Variants in RHEB observed in about 807,000 individuals in gnomAD.
RHEB encodes GTP-binding protein Rheb.
In RHEB, 2 loss-of-function variants were observed where a neutral mutation model predicts 28.8. The observed-to-expected ratio is 0.07, with a 90% CI of 0.03 to 0.22. The LOEUF (loss-of-function observed/expected upper bound fraction) is 0.22. Ranked by LOEUF, RHEB falls within the 10% of genes least tolerant of loss-of-function variation. The probability of loss-of-function intolerance (pLI) is 1.00; values close to 1 mark genes in which losing one functional copy is unlikely to be tolerated. For synonymous variants in RHEB, 69 were observed against 77.3 expected (o/e 0.89, Z 0.56); for missense variants, 76 against 219.9 (o/e 0.35, Z 4.14).
intron 1 of RHEB, among the ~76,000 whole-genome samples, chr7:151,516,341 T>G (rs1232104556): frequency 6.6e-6 from 1 of 151,768 alleles, no homozygotes; most frequent in Non-Finnish European, 1.5e-5. Flanking sequence ...AGCCAAGTAG[T>G]GGGCTGGGTG....
rs1407128769 is a variant in RHEB at position 151,502,722 on chromosome 7, C to T, written c.53-11708G>A. The T allele has an allele frequency of 9.6e-5, 154 of 1,598,712 alleles. 1 individual carries two copies. Among genetic ancestry groups the T allele is most frequent in the Non-Finnish European group, 1.3e-4 (148 of 1,166,748 alleles). ...TCACTGTGGATCTCCCAAAGAAACA[C>T]AGTAGAGGCGTTTTGCCCGTTTAAA... On this transcript the variant is annotated intron_variant, in intron 1 of 7. Coordinates refer to ENST00000262187, the MANE Select transcript of RHEB (RefSeq NM_005614.4).
chr7:151,466,472 G>A lies in RHEB; in HGVS notation c.*647C>T, dbSNP rs1238251770. The A allele has an allele frequency of 6.6e-6, 1 of 152,566 alleles. No homozygotes were observed. Among genetic ancestry groups the A allele is most frequent in the East Asian group, 1.9e-4 (1 of 5,214 alleles). 9.5% of individuals were successfully genotyped at this position (152,566 alleles called of 1,614,324 possible). A position where few individuals can be genotyped will look rare whatever the true frequency, so the allele number is the denominator to read the frequency against. On this transcript the variant is annotated 3_prime_UTR_variant, in exon 8 of 8. Transcript: ENST00000262187. ...AGGAGAGAATTTCATCACTGGGGAG[G>A]AACTCCCCTCACAGACCCCCCAGGG...
At chr7:151,502,325 G>A in intron 1 of RHEB, 1 of 817,824 alleles carries the variant, frequency 1.2e-6, no homozygotes, top group Non-Finnish European at 2.1e-6. Context: ...GATTTCACCA[G>A]TGGCAAAAAT....
In RHEB at chr7:151,502,752, G is replaced by A; in HGVS notation, c.53-11738C>T. The A allele has an allele frequency of 4.6e-6, 7 of 1,525,572 alleles. No homozygotes were observed. The South Asian group carries it at 6.7e-5, about 15-fold the overall frequency. The allele number at this position is 1,525,572 out of a possible 1,614,324, so 94.5% of individuals were successfully genotyped here. On this transcript the variant is annotated intron_variant, in intron 1 of 7. Transcript: ENST00000262187. ...GAGGCGTTTTGCCCGTTTAAAAATGGAAAAGCGACATAACTATGTTCAGAA... is the reference window on the plus strand; with the variant it reads ...GAGGCGTTTTGCCCGTTTAAAAATGAAAAAGCGACATAACTATGTTCAGAA...
chr7:151,501,395 A>G (rs766481357), intron 1 of RHEB, among the ~76,000 whole-genome samples: 43 of 152,234 alleles, frequency 2.8e-4, no homozygotes, highest in Non-Finnish European at 6.0e-4. Flanking sequence ...AAAAATTACA[A>G]TGAGATGCTA....
chr7:151,507,216 C>T (rs1367735291), intron 1 of RHEB, among the ~76,000 whole-genome samples: 1 of 152,200 alleles, frequency 6.6e-6, no homozygotes, highest in East Asian at 1.9e-4. Context: ...CAATGAACCG[C>T]ATAAAGGTTT....
chr7:151,496,570 A>G (rs917366506), intron 1 of RHEB, among the ~76,000 whole-genome samples: 2 of 152,140 alleles, frequency 1.3e-5, no homozygotes, highest in Admixed American at 6.5e-5. Context: ...CTGGGTCACA[A>G]TGTAAAATGT....
At chr7:151,514,947 G>A (rs925665900) in intron 1 of RHEB, among the ~76,000 whole-genome samples, 1 of 152,046 alleles carries the variant, frequency 6.6e-6, no homozygotes, top group African/African-American at 2.4e-5. Context: ...GCTGAGGCAG[G>A]AGGATCACTT....
In RHEB at chr7:151,502,315, G is replaced by A. The variant is rs1802787588; in HGVS notation, c.53-11301C>T. ...CACTGATCATTCCTCCCAAAGACCA[G>A]ATTTCACCAGTGGCAAAAATGTTAT... is the stretch of plus-strand genomic sequence containing the variant. On this transcript the variant is annotated intron_variant, in intron 1 of 7. Coordinates refer to ENST00000262187, the MANE Select transcript of RHEB (RefSeq NM_005614.4). 18 of 797,088 alleles carry A rather than the reference G, an allele frequency of 2.3e-5. No homozygotes were observed. The Admixed American group carries it at 3.1e-4, about 14-fold the overall frequency. 49.4% of individuals were successfully genotyped at this position (797,088 alleles called of 1,614,324 possible).
Position 151,472,888 on chromosome 7 carries a change from G to T in RHEB, c.276-1283C>A, listed in dbSNP as rs1416176719. 6.6e-6 allele frequency among the ~76,000 whole-genome samples: 1 copy of T among 152,200 alleles called. No homozygotes were observed. Among genetic ancestry groups the T allele is most frequent in the Non-Finnish European group, 1.5e-5 (1 of 68,036 alleles). On this transcript the variant is annotated intron_variant, in intron 4 of 7. Coordinates refer to ENST00000262187, the MANE Select transcript of RHEB (RefSeq NM_005614.4). This position sits in a 1 kb window ranked among gnomAD's most constrained non-coding sequence, Gnocchi z 5.2. ...CTGTGGGTCAACAAATGGGATATGG[G>T]TGTCCTAAGGACCTGCGGTTGCATT...
intron 2 of RHEB, among the ~76,000 whole-genome samples, chr7:151,488,152 T>C (rs1268090664): frequency 1.3e-5 from 2 of 152,254 alleles, no homozygotes; most frequent in Non-Finnish European, 1.5e-5. Flanking sequence ...TTTCAGCCTA[T>C]CAATTTAGTT....
chr7:151,480,549 C>T (rs574132854), intron 3 of RHEB, among the ~76,000 whole-genome samples: 2 of 152,192 alleles, frequency 1.3e-5, no homozygotes, highest in East Asian at 1.9e-4. Context: ...TTACTATTTA[C>T]ACCTTTTGGC....
At chr7:151,511,606 T>C (rs1396001207) in intron 1 of RHEB, among the ~76,000 whole-genome samples, 2 of 151,716 alleles carry the variant, frequency 1.3e-5, no homozygotes, top group African/African-American at 4.8e-5. Flanking sequence ...GCCCAACATA[T>C]ATTGAAGAAA....
intron 2 of RHEB, 24 bp from the exon 3 acceptor site, chr7:151,484,828 C>CT: frequency 2.6e-6 from 4 of 1,560,726 alleles, no homozygotes; most frequent in South Asian, 1.1e-5. Flanking sequence ...GGAAATTAAA[C>CT]ATTAGTTTAA....
In RHEB at chr7:151,490,935, ATACT is replaced by A; in HGVS notation, c.124+4_124+7del. 1 of 1,598,738 alleles carries A rather than the reference ATACT, an allele frequency of 6.3e-7. No homozygotes were observed. Among genetic ancestry groups the A allele is most frequent in the Non-Finnish European group, 8.6e-7 (1 of 1,165,954 alleles). On this transcript the variant is annotated splice_donor_5th_base_variant and intron_variant, in intron 2 of 7. Transcript: ENST00000262187. ...CTCAGTTTTTAAGTACTTGAAAACA[ATACT>A]TACTGTTTTCTATGGTTGGATCGTA...
intron 2 of RHEB, among the ~76,000 whole-genome samples, chr7:151,486,198 GAAGT>G (rs1802471100): frequency 6.6e-6 from 1 of 152,198 alleles, no homozygotes; most frequent in Non-Finnish European, 1.5e-5. Flanking sequence ...GATTTGATGA[GAAGT>G]ATGTAAGAAA....
rs368003270 is a variant in RHEB, at chr7:151,474,672, T to C, written c.275+2661A>G. 4.8e-3 allele frequency among the ~76,000 whole-genome samples: 737 copies of C among 152,318 alleles called. 10 individuals carry two copies. The highest frequency in any genetic ancestry group is 0.017 in the African/African-American group (705 of 41,552). Reference sequence around the variant, plus strand: ...GTTTCTTTTTTCCATTTCTAGAAATTATGAAATAGGATGTATTTTCGCTTT... The same window carrying C: ...GTTTCTTTTTTCCATTTCTAGAAATCATGAAATAGGATGTATTTTCGCTTT... On this transcript the variant is annotated intron_variant, in intron 4 of 7. Coordinates refer to ENST00000262187, the MANE Select transcript of RHEB (RefSeq NM_005614.4).
chr7:151,495,026 T>C (rs1802649720), intron 1 of RHEB, among the ~76,000 whole-genome samples: 1 of 152,232 alleles, frequency 6.6e-6, no homozygotes, highest in South Asian at 2.1e-4. Flanking sequence ...ATCTTTTGGT[T>C]AGGTTTTTCT....
Position 151,519,447 on chromosome 7 carries a change from A to T in RHEB, c.52+13T>A. The T allele has an allele frequency of 6.9e-7, 1 of 1,439,244 alleles. No homozygotes were observed. Among genetic ancestry groups the T allele is most frequent in the Admixed American group, 2.2e-5 (1 of 44,800 alleles). 89.2% of individuals were successfully genotyped at this position (1,439,244 alleles called of 1,614,324 possible). A position where few individuals can be genotyped will look rare whatever the true frequency, so the allele number is the denominator to read the frequency against. ...GGCGGCGCGAGGAGGCCGCGCGGCC[A>T]CCGGCCACTCACCCACAGACCGGTA... On this transcript the variant is annotated intron_variant, in intron 1 of 7. Transcript: ENST00000262187.
Sources: gnomAD v4.1 joint callset for allele counts (sites outside exome capture counted in the v4.1 genomes callset) on GRCh38, gnomAD v4.1.1 for gene constraint, Gnocchi (gnomAD v3.1) non-coding constraint, MANE v1.5 for transcripts, NCBI Gene and HGNC (gene_info 2026-07-23, HGNC 2026-07-21) for gene names.